Variants in NDST3 observed in about 807,000 individuals in gnomAD.
NDST3 encodes N-deacetylase and N-sulfotransferase 3.
Under a neutral mutation model 96.1 loss-of-function variants are expected in NDST3, and 58 were observed. That is an observed-to-expected ratio of 0.60 (90% confidence interval 0.49 to 0.75). The LOEUF (loss-of-function observed/expected upper bound fraction) is 0.75. Ranked by LOEUF, NDST3 falls within the 30% of genes least tolerant of loss-of-function variation. The probability of loss-of-function intolerance (pLI) is 0.00; values close to 1 mark genes in which losing one functional copy is unlikely to be tolerated. For synonymous variants in NDST3, 333 were observed against 359.7 expected (o/e 0.93, Z 0.84); for missense variants, 788 against 1,034.2 (o/e 0.76, Z 3.27).
At chr4:118,150,975 T>C (rs1192036852) in intron 6 of NDST3, among the ~76,000 whole-genome samples, 1 of 151,324 alleles carries the variant, frequency 6.6e-6, no homozygotes, top group African/African-American at 2.5e-5. Context: ...TAGCAAAGAC[T>C]TGGAACCAAC....
At chr4:118,122,408 A>G (rs573532561) in intron 4 of NDST3, among the ~76,000 whole-genome samples, 1 of 152,202 alleles carries the variant, frequency 6.6e-6, no homozygotes, top group African/African-American at 2.4e-5. Context: ...TCAATTTCAC[A>G]TGAGTGCTAA....
intron 6 of NDST3, among the ~76,000 whole-genome samples, chr4:118,223,769 A>G (rs1054380541): frequency 1.3e-5 from 2 of 152,094 alleles, no homozygotes; most frequent in Non-Finnish European, 2.9e-5. Flanking sequence ...ATGACATTAT[A>G]TATTTTAGGA....
At chr4:118,186,393 C>T (rs1018696136) in intron 6 of NDST3, among the ~76,000 whole-genome samples, 1 of 152,088 alleles carries the variant, frequency 6.6e-6, no homozygotes, top group African/African-American at 2.4e-5. Context: ...TTAATGCACA[C>T]GATCACAAGG....
At chr4:118,106,164 G>C (rs1391056619) in intron 3 of NDST3, among the ~76,000 whole-genome samples, 1 of 152,094 alleles carries the variant, frequency 6.6e-6, no homozygotes. Flanking sequence ...TTCTTTCCTT[G>C]AAGTTTACAG....
intron 6 of NDST3, among the ~76,000 whole-genome samples, chr4:118,183,366 C>T (rs1736727348): frequency 6.6e-6 from 1 of 152,150 alleles, no homozygotes; most frequent in Non-Finnish European, 1.5e-5. Context: ...CTTTCTCATC[C>T]TTCTGAGGAT....
At chr4:118,114,486 C>G (rs763062490) in intron 3 of NDST3, among the ~76,000 whole-genome samples, 8 of 152,204 alleles carry the variant, frequency 5.3e-5, no homozygotes, top group Non-Finnish European at 2.9e-5. Context: ...ATCCCCCATT[C>G]TCTCCAGACT....
chr4:118,068,599 T>C (rs1726792808), intron 2 of NDST3, among the ~76,000 whole-genome samples: 1 of 152,012 alleles, frequency 6.6e-6, no homozygotes, highest in Non-Finnish European at 1.5e-5. Flanking sequence ...CACTCAAAGA[T>C]TTTTGTCTTG....
intron 6 of NDST3, among the ~76,000 whole-genome samples, chr4:118,167,692 G>A: frequency 6.6e-6 from 1 of 151,900 alleles, no homozygotes; most frequent in African/African-American, 2.4e-5. Flanking sequence ...AAAGCAGTAT[G>A]GTGATGTTAC....
intron 2 of NDST3, among the ~76,000 whole-genome samples, chr4:118,093,864 A>C (rs142898139): frequency 6.6e-6 from 1 of 151,988 alleles, no homozygotes; most frequent in Non-Finnish European, 1.5e-5. Flanking sequence ...GGAAATTCCA[A>C]GGTCAAGGCA....
chr4:118,111,972 G>A (rs940227101), intron 3 of NDST3, among the ~76,000 whole-genome samples: 13 of 152,006 alleles, frequency 8.6e-5, no homozygotes, highest in South Asian at 2.1e-4. Context: ...CACCATGCCC[G>A]GCCCATAATT....
intron 9 of NDST3, 99 bp from the exon 10 acceptor site, chr4:118,236,947 T>C (rs1740685448): frequency 4.4e-6 from 4 of 912,630 alleles, no homozygotes; most frequent in Non-Finnish European, 6.1e-6. Context: ...AGCCTTTTAT[T>C]TAGGAAACAC....
In NDST3 at chr4:118,054,826, C is replaced by G. The variant is rs777876163; in HGVS notation, c.916C>G (p.Leu306Val). The G allele has an allele frequency of 6.2e-7, 1 of 1,612,966 alleles. No individual in the cohort carries two copies. Reference sequence around the variant, plus strand: ...GACATTGTCCTTGGACAGGTACATTCTTGTGGATATTGATGATATATTTGT... The same window carrying G: ...GACATTGTCCTTGGACAGGTACATTGTTGTGGATATTGATGATATATTTGT... The part of the protein sequence containing the change: ...RLTLSLDRYI[L>V]VDIDDIFVGK... Residue 306 changes from leucine to valine, a missense_variant, in exon 2 of 14, where the codon CTT (leucine) becomes GTT (valine). Around this residue, in one of 3 missense-constraint regions of NDST3, gnomAD observed 490 missense variants for 708.8 expected, o/e 0.69. Coordinates refer to ENST00000296499, the MANE Select transcript of NDST3 (RefSeq NM_004784.3).
Position 118,247,190 on chromosome 4 carries a change from A to G in NDST3, c.2399+5041A>G, listed in dbSNP as rs186277479. 3.2e-5 allele frequency among the ~76,000 whole-genome samples: 4 copies of G among 124,502 alleles called. No homozygotes were observed. In the East Asian group the frequency reaches 9.4e-4, roughly 29 times the overall value. 81.7% of individuals were successfully genotyped at this position (124,502 alleles called of 152,430 possible). ...ACTGGTGCATGGCTTTGTTATATCC[A>G]CACACCAGGGGGGTTTAAAAAAAAA... On this transcript the variant is annotated intron_variant, in intron 12 of 13. Coordinates refer to ENST00000296499, the MANE Select transcript of NDST3 (RefSeq NM_004784.3).
chr4:118,114,750 A>T, intron 3 of NDST3, 56 bp from the exon 4 acceptor site: 1 of 1,523,498 alleles, frequency 6.6e-7, no homozygotes, highest in Non-Finnish European at 9.1e-7. Context: ...AAGTAGATTG[A>T]TTGATCATAG....
At chr4:118,193,856 T>A in intron 6 of NDST3, 1 of 1,224,508 alleles carries the variant, frequency 8.2e-7, no homozygotes. Flanking sequence ...CTGTGTTTCC[T>A]CATTGGAAAA....
At chr4:118,055,584 A>G (rs1049549521) in intron 2 of NDST3, 45 of 152,056 alleles carry the variant, frequency 3.0e-4, no homozygotes, top group African/African-American at 1.1e-3. Context: ...GTTTGTCATT[A>G]TTATGAGTTG....
intron 13 of NDST3, 71 bp downstream of exon 13, chr4:118,253,672 A>C (rs1195633311): frequency 1.9e-6 from 2 of 1,050,300 alleles, no homozygotes; most frequent in African/African-American, 3.2e-5. Context: ...TACTTTCTTA[A>C]AAAACTAGTT....
intron 6 of NDST3, among the ~76,000 whole-genome samples, chr4:118,195,428 C>G (rs1400848117): frequency 6.6e-6 from 1 of 152,178 alleles, no homozygotes; most frequent in East Asian, 1.9e-4. Flanking sequence ...GCTCTCTTGC[C>G]TGCCACCATG....
At chr4:118,157,999 G>A (rs1024049535) in intron 6 of NDST3, among the ~76,000 whole-genome samples, 8 of 152,028 alleles carry the variant, frequency 5.3e-5, no homozygotes, top group African/African-American at 1.9e-4. Context: ...CATTTCTCAT[G>A]TATTGTCAGA....
Sources: gnomAD v4.1 joint callset for allele counts (sites outside exome capture counted in the v4.1 genomes callset) on GRCh38, gnomAD v4.1.1 for gene constraint, gnomAD v4.1.1 regional missense constraint, MANE v1.5 for transcripts, NCBI Gene and HGNC (gene_info 2026-07-23, HGNC 2026-07-21) for gene names.